The following KPNA3 variants were observed in gnomAD, a reference collection of about 807,000 sequenced individuals.
KPNA3 encodes importin subunit alpha-4.
In KPNA3, 13 loss-of-function variants were observed where a neutral mutation model predicts 73.8. The observed-to-expected ratio is 0.18, with a 90% CI of 0.11 to 0.28. The LOEUF (loss-of-function observed/expected upper bound fraction) is 0.28, where lower values mean the gene tolerates loss of function less well. Among genes scored for constraint, KPNA3 ranks in the 10% least tolerant of loss-of-function variants. The pLI is 1.00. For synonymous variants in KPNA3, 186 were observed against 206.9 expected, an observed-to-expected ratio of 0.90 and a Z score of 0.87; for missense variants, 360 against 618.1, an observed-to-expected ratio of 0.58 and a Z score of 4.43.
intron 1 of KPNA3, among the ~76,000 whole-genome samples, chr13:49,775,620 C>T (rs774192852): frequency 1.2e-4 from 18 of 152,140 alleles, no homozygotes; most frequent in Non-Finnish European, 2.1e-4. Context: ...AAGAAGCCCT[C>T]GCAAATCTCT....
chr13:49,721,604 G>A (rs772215082), intron 9 of KPNA3, among the ~76,000 whole-genome samples: 1 of 152,188 alleles, frequency 6.6e-6, no homozygotes, highest in African/African-American at 2.4e-5. Context: ...CAGATCACGA[G>A]GTCAGGAGGT....
chr13:49,781,290 C>T (rs1229061727), intron 1 of KPNA3, among the ~76,000 whole-genome samples: 1 of 152,142 alleles, frequency 6.6e-6, no homozygotes, highest in Admixed American at 6.5e-5. Flanking sequence ...TGAGCAGGAA[C>T]CCTGAGGTAG....
At position 49,701,782 on chromosome 13, in the gene KPNA3, T is replaced by C. The variant is rs752226078; in HGVS notation, c.*18A>G. ...TGCTTCATATTGAATGTGGGAAAGA[T>C]GCTGCACTCAACTGAATTTAAAAAT... On this transcript the variant is annotated 3_prime_UTR_variant, in exon 17 of 17. Coordinates refer to ENST00000261667, the MANE Select transcript of KPNA3 (RefSeq NM_002267.4). The C allele has an allele frequency of 2.1e-6, 3 of 1,440,924 alleles. No homozygotes were observed. The highest frequency in any genetic ancestry group is 2.3e-5 in the South Asian group (2 of 87,586). The allele number at this position is 1,440,924 out of a possible 1,614,324, so 89.3% of individuals were successfully genotyped here. A position where few individuals can be genotyped will look rare whatever the true frequency, so the allele number is the denominator to read the frequency against.
At position 49,699,679 on chromosome 13, in the gene KPNA3, T is replaced by C. The variant is rs1246367385; in HGVS notation, c.*2121A>G. ...AGGAATCATCACAGTAGAGGCCCAATTTTAATCATAATGTGTGCAAATTTT... is the reference window on the plus strand; with the variant it reads ...AGGAATCATCACAGTAGAGGCCCAACTTTAATCATAATGTGTGCAAATTTT... On this transcript the variant is annotated 3_prime_UTR_variant, in exon 17 of 17. Coordinates refer to ENST00000261667, the MANE Select transcript of KPNA3 (RefSeq NM_002267.4). 6.6e-6 allele frequency: 1 copy of C among 152,612 alleles called. No homozygotes were observed. Among genetic ancestry groups the C allele is most frequent in the Non-Finnish European group, 1.5e-5 (1 of 68,034 alleles). The allele number at this position is 152,612 out of a possible 1,614,324, so 9.5% of individuals were successfully genotyped here. A position where few individuals can be genotyped will look rare whatever the true frequency, so the allele number is the denominator to read the frequency against.
chr13:49,728,191 T>A (rs1015958732), intron 6 of KPNA3, among the ~76,000 whole-genome samples: 1 of 146,536 alleles, frequency 6.8e-6, no homozygotes, highest in South Asian at 2.1e-4. Context: ...GCTGATATCG[T>A]GCCACTGCAC....
intron 1 of KPNA3, among the ~76,000 whole-genome samples, chr13:49,762,189 G>A (rs1301284606): frequency 4.4e-4 from 62 of 140,328 alleles, no homozygotes; most frequent in African/African-American, 1.1e-3. Flanking sequence ...CGCCTCGTCC[G>A]GGAGGGAGGT....
chr13:49,740,530 T>G (rs1272812760), intron 2 of KPNA3, among the ~76,000 whole-genome samples: 1 of 152,178 alleles, frequency 6.6e-6, no homozygotes, highest in Non-Finnish European at 1.5e-5. Context: ...CAAGATCTGA[T>G]GGCTTTAAAA....
At chr13:49,780,515 C>T (rs564338651) in intron 1 of KPNA3, among the ~76,000 whole-genome samples, 1 of 152,196 alleles carries the variant, frequency 6.6e-6, no homozygotes, top group South Asian at 2.1e-4. Context: ...CATCTGAGAC[C>T]TTGAGGGTTT....
chr13:49,708,088 T>C (rs1954224765), intron 12 of KPNA3, among the ~76,000 whole-genome samples: 1 of 151,644 alleles, frequency 6.6e-6, no homozygotes, highest in Non-Finnish European at 1.5e-5. Flanking sequence ...CTCCACCTCC[T>C]GGGTTCATGC....
At chr13:49,774,951 C>T (rs1040924865) in intron 1 of KPNA3, among the ~76,000 whole-genome samples, 3 of 152,128 alleles carry the variant, frequency 2.0e-5, no homozygotes, top group African/African-American at 7.2e-5. Flanking sequence ...GTCAACAGTT[C>T]AAGACTAGCC....
chr13:49,730,772 C>G (rs1444948482), intron 6 of KPNA3, among the ~76,000 whole-genome samples: 1 of 108,332 alleles, frequency 9.2e-6, no homozygotes, highest in East Asian at 3.8e-4. Flanking sequence ...CTCCCCCCTC[C>G]CCCCTATTTA....
intron 14 of KPNA3, 30 bp from the exon 15 acceptor site, chr13:49,705,813 A>C: frequency 6.7e-7 from 1 of 1,501,978 alleles, no homozygotes. Context: ...AAATATTTTT[A>C]TTTATATAAT....
chr13:49,732,840 G>GTATAT, intron 3 of KPNA3, 64 bp from the exon 4 acceptor site: 1 of 1,372,728 alleles, frequency 7.3e-7, no homozygotes, highest in Non-Finnish European at 1.0e-6. Flanking sequence ...ATTAAACAGT[G>GTATAT]TACCTGAGTT....
At chr13:49,703,033 TAA>T (rs1367261279) in intron 15 of KPNA3, among the ~76,000 whole-genome samples, 2 of 151,706 alleles carry the variant, frequency 1.3e-5, no homozygotes, top group Non-Finnish European at 2.9e-5. Flanking sequence ...CACACCCGGC[TAA>T]GTTTTTCTAT....
intron 15 of KPNA3, 47 bp from the exon 16 acceptor site, chr13:49,702,527 A>ATAC (rs759216301): frequency 3.7e-5 from 37 of 992,164 alleles, no homozygotes; most frequent in Non-Finnish European, 5.4e-5. Context: ...TGATAAGGAG[A>ATAC]TACTAATCAA....
intron 1 of KPNA3, among the ~76,000 whole-genome samples, chr13:49,791,023 G>A (rs1352976479): frequency 3.9e-5 from 6 of 152,314 alleles, no homozygotes; most frequent in Admixed American, 6.5e-5. Context: ...TCGCTTAGAT[G>A]TATTTCTTAC....
At chr13:49,727,314 G>A (rs1039808524) in intron 6 of KPNA3, among the ~76,000 whole-genome samples, 1 of 151,964 alleles carries the variant, frequency 6.6e-6, no homozygotes, top group Non-Finnish European at 1.5e-5. Context: ...TGGACATGAT[G>A]GTGCGTGCCT....
Position 49,732,496 on chromosome 13 carries a change from C to A in KPNA3, c.288-30G>T, listed in dbSNP as rs534931275. Reference sequence around the variant, plus strand: ...GAAAATAAATATGAGAAATTAATTGCTATAATTTTCAAACTGTGAAAAGAA... The same window carrying A: ...GAAAATAAATATGAGAAATTAATTGATATAATTTTCAAACTGTGAAAAGAA... On this transcript the variant is annotated intron_variant, in intron 5 of 16. Transcript: ENST00000261667. 3.4e-6 allele frequency: 5 copies of A among 1,484,516 alleles called. No individual in the cohort carries two copies. The African/African-American group carries it at 7.0e-5, about 21-fold the overall frequency. 92.0% of individuals were successfully genotyped at this position (1,484,516 alleles called of 1,614,324 possible).
intron 6 of KPNA3, 45 bp downstream of exon 6, chr13:49,732,326 A>C (rs759290105): frequency 2.5e-5 from 24 of 954,156 alleles, no homozygotes; most frequent in Non-Finnish European, 3.4e-5. Flanking sequence ...CCAAACTTTT[A>C]AGTTAACTGA....
Sources: gnomAD v4.1 joint callset for allele counts (sites outside exome capture counted in the v4.1 genomes callset) on GRCh38, gnomAD v4.1.1 for gene constraint, MANE v1.5 for transcripts, NCBI Gene and HGNC (gene_info 2026-07-23, HGNC 2026-07-21) for gene names.